MYCBP2: variants seen among roughly 807,000 people sequenced by gnomAD.
MYCBP2 encodes the protein E3 ubiquitin-protein ligase MYCBP2.
A neutral mutation model predicts 525.3 loss-of-function variants in MYCBP2; 120 were observed. The observed-to-expected ratio is 0.23, with a 90% confidence interval of 0.20 to 0.27. The LOEUF (loss-of-function observed/expected upper bound fraction) is 0.27, where lower values mean the gene tolerates loss of function less well. MYCBP2 is among the 10% of genes least tolerant of loss of function. The pLI is 1.00. For synonymous variants in MYCBP2, 1,894 were observed against 1,955.8 expected, an observed-to-expected ratio of 0.97 and a Z score of 0.83; for missense variants, 4,149 against 5,657.1, an observed-to-expected ratio of 0.73 and a Z score of 8.55.
chr13:77,258,696 A>G (rs2072681480), intron 13 of MYCBP2, among the ~76,000 whole-genome samples: 2 of 152,068 alleles, frequency 1.3e-5, no homozygotes, highest in Non-Finnish European at 2.9e-5. Flanking sequence ...GCACATTTGA[A>G]AAAGGTAAGG....
At chr13:77,147,879 T>C (rs1251533046) in intron 47 of MYCBP2, among the ~76,000 whole-genome samples, 1 of 152,148 alleles carries the variant, frequency 6.6e-6, no homozygotes, top group Non-Finnish European at 1.5e-5. Context: ...AAAATTTCCT[T>C]TCCTGGGACC....
intron 2 of MYCBP2, among the ~76,000 whole-genome samples, chr13:77,294,066 T>C (rs540740727): frequency 4.1e-4 from 52 of 125,332 alleles, no homozygotes; most frequent in Non-Finnish European, 6.9e-4. Context: ...TGAGGAGAAA[T>C]AGAGGGGTTG....
chr13:77,143,230 G>A (rs2054966685), intron 49 of MYCBP2, among the ~76,000 whole-genome samples: 1 of 152,184 alleles, frequency 6.6e-6, no homozygotes, highest in East Asian at 1.9e-4. Flanking sequence ...CATTACTTTT[G>A]CGTCTGTGAG....
chr13:77,114,261 T>C (rs965319485), intron 55 of MYCBP2, among the ~76,000 whole-genome samples: 3 of 152,154 alleles, frequency 2.0e-5, no homozygotes, highest in Admixed American at 6.6e-5. Flanking sequence ...ACACCAAGAA[T>C]AGATTGCTCT....
chr13:77,231,041 G>C (rs949096881), intron 18 of MYCBP2, among the ~76,000 whole-genome samples: 2 of 152,304 alleles, frequency 1.3e-5, no homozygotes, highest in Non-Finnish European at 2.9e-5. Flanking sequence ...TTAGTGAGCA[G>C]TAAATTAATA....
chr13:77,291,488 A>G (rs1297748574), intron 2 of MYCBP2, among the ~76,000 whole-genome samples: 1 of 152,202 alleles, frequency 6.6e-6, no homozygotes, highest in Admixed American at 6.5e-5. Flanking sequence ...CTAAATGTAC[A>G]GGCCGGGTGC....
intron 8 of MYCBP2, among the ~76,000 whole-genome samples, chr13:77,266,047 C>T (rs2074019437): frequency 6.6e-6 from 1 of 152,126 alleles, no homozygotes; most frequent in Non-Finnish European, 1.5e-5. Context: ...GAGATTTAAA[C>T]TGAATAAAGA....
At chr13:77,070,595 A>G (rs772114213) in intron 69 of MYCBP2, 36 bp downstream of exon 69, 3 of 1,405,888 alleles carry the variant, frequency 2.1e-6, no homozygotes, top group South Asian at 2.4e-5. Context: ...CACACACACA[A>G]AACTAATGAA....
chr13:77,075,051 T>C (rs537778863), intron 68 of MYCBP2, among the ~76,000 whole-genome samples: 19 of 152,186 alleles, frequency 1.2e-4, no homozygotes, highest in Admixed American at 7.2e-4. Context: ...TCTGCAGATA[T>C]ATTAAAATCA....
At chr13:77,085,217 G>A (rs375819712) in intron 62 of MYCBP2, among the ~76,000 whole-genome samples, 10 of 151,988 alleles carry the variant, frequency 6.6e-5, no homozygotes, top group East Asian at 3.9e-4. Flanking sequence ...ATTTGGAAGC[G>A]TTACTTAATT....
rs780360955 is a variant in MYCBP2 at position 77,082,004 on chromosome 13, G to A, written c.11037-11C>T. ...TTGAGACTCCAGCACCTAAAAAGGCGATATATAAGCAATATACGAAATAAT... is the reference window on the plus strand; with the variant it reads ...TTGAGACTCCAGCACCTAAAAAGGCAATATATAAGCAATATACGAAATAAT... On this transcript the variant is annotated splice_polypyrimidine_tract_variant and intron_variant, in intron 63 of 82. Coordinates refer to ENST00000544440, the MANE Select transcript of MYCBP2 (RefSeq NM_015057.5). 2.7e-5 allele frequency: 43 copies of A among 1,611,700 alleles called. No individual in the cohort carries two copies. In the African/African-American group the frequency reaches 3.1e-4, roughly 12 times the overall value.
At chr13:77,154,108 A>T (rs923482916) in intron 46 of MYCBP2, among the ~76,000 whole-genome samples, 4 of 152,190 alleles carry the variant, frequency 2.6e-5, no homozygotes, top group African/African-American at 9.6e-5. Flanking sequence ...TGCTCCTAAG[A>T]CTTCATATAC....
intron 55 of MYCBP2, among the ~76,000 whole-genome samples, chr13:77,106,777 G>T (rs891003399): frequency 1.3e-5 from 2 of 151,648 alleles, no homozygotes; most frequent in African/African-American, 4.8e-5. Context: ...GTTCAAGGGG[G>T]ACATGTGTAG....
chr13:77,076,852 G>A lies in MYCBP2; in HGVS notation c.11725-3C>T. On this transcript the variant is annotated splice_region_variant and splice_polypyrimidine_tract_variant and intron_variant, in intron 67 of 82. Coordinates refer to ENST00000544440, the MANE Select transcript of MYCBP2 (RefSeq NM_015057.5). ...CCAGAGATGAGCTTTCCAAATACCT[G>A]ATGAAGATATGCATGTGAGAAGGAA... 6.2e-7 allele frequency: 1 copy of A among 1,601,232 alleles called. No homozygotes were observed. Among genetic ancestry groups the A allele is most frequent in the Non-Finnish European group, 8.5e-7 (1 of 1,169,772 alleles).
At chr13:77,186,834 C>A (rs1364418008) in intron 30 of MYCBP2, among the ~76,000 whole-genome samples, 2 of 127,338 alleles carry the variant, frequency 1.6e-5, no homozygotes, top group Admixed American at 1.9e-4. Context: ...GAGATAGAGT[C>A]TTCCTCTATC....
intron 35 of MYCBP2, among the ~76,000 whole-genome samples, chr13:77,177,449 C>T (rs1470968739): frequency 2.0e-5 from 3 of 151,192 alleles, no homozygotes; most frequent in Admixed American, 6.6e-5. Context: ...TCAAGTGATC[C>T]TCCCACCCCA....
At chr13:77,206,332 C>T (rs1199258668) in intron 24 of MYCBP2, among the ~76,000 whole-genome samples, 2 of 149,890 alleles carry the variant, frequency 1.3e-5, no homozygotes, top group African/African-American at 4.9e-5. Context: ...ACATAATATA[C>T]ATAAATTAAA....
At chr13:77,077,122 C>A in intron 67 of MYCBP2, 26 bp downstream of exon 67, 1 of 1,606,948 alleles carries the variant, frequency 6.2e-7, no homozygotes, top group South Asian at 1.1e-5. Flanking sequence ...TTATCCTGTG[C>A]TAGAATATGT....
At chr13:77,082,093 T>C (rs913521557) in intron 63 of MYCBP2, 100 bp from the exon 64 acceptor site, 1 of 1,013,972 alleles carries the variant, frequency 9.9e-7, no homozygotes. Flanking sequence ...CTCAAGAAAT[T>C]TTAATGTTCT....
Sources: allele counts gnomAD v4.1 joint callset (sites outside exome capture counted in the v4.1 genomes callset), GRCh38; gene constraint gnomAD v4.1.1; transcripts MANE v1.5; gene names NCBI Gene and HGNC (gene_info 2026-07-23, HGNC 2026-07-21).